ADCY9: variants seen among roughly 807,000 people sequenced by gnomAD.
The protein encoded by ADCY9 is adenylate cyclase 9.
A neutral mutation model predicts 101.5 loss-of-function variants in ADCY9; 50 were observed. The ratio of observed to expected loss-of-function variants is 0.49; its 90% CI spans 0.39 to 0.62. ADCY9 has a LOEUF of 0.62. Among genes scored for constraint, ADCY9 ranks in the 20% least tolerant of loss-of-function variants. The pLI, the probability that ADCY9 is intolerant of heterozygous loss-of-function variation, is 0.00. For missense variants in ADCY9, 1,662 were observed against 1,800.4 expected (o/e 0.92, Z 1.39); for synonymous variants, 905 against 769.3 (o/e 1.18, Z -2.92).
chr16:3,957,559 AG>A (rs1165455249), intron 5 of ADCY9, among the ~76,000 whole-genome samples: 4 of 152,164 alleles, frequency 2.6e-5, no homozygotes, highest in Non-Finnish European at 5.9e-5. Context: ...GGCTTGAGGA[AG>A]GCAGGTGTGT....
intron 2 of ADCY9, among the ~76,000 whole-genome samples, chr16:4,064,757 G>A (rs2056791133): frequency 6.6e-6 from 1 of 151,954 alleles, no homozygotes; most frequent in Non-Finnish European, 1.5e-5. Context: ...GGGATCACAG[G>A]CATGAGCCAC....
chr16:4,052,456 A>T (rs914626915), intron 2 of ADCY9, among the ~76,000 whole-genome samples: 2 of 152,172 alleles, frequency 1.3e-5, no homozygotes, highest in African/African-American at 4.8e-5. Context: ...GAAAAAAGGG[A>T]TGTGTGTATG....
chr16:4,082,051 C>T (rs1487073245), intron 2 of ADCY9, among the ~76,000 whole-genome samples: 2 of 152,030 alleles, frequency 1.3e-5, no homozygotes, highest in Admixed American at 1.3e-4. Flanking sequence ...CAAGTTTCTC[C>T]TAGAACAAGC....
chr16:4,042,320 C>G (rs1344339192), intron 2 of ADCY9, among the ~76,000 whole-genome samples: 2 of 152,108 alleles, frequency 1.3e-5, no homozygotes, highest in South Asian at 2.1e-4. Flanking sequence ...TCCCGCTTGG[C>G]CTCTCAAAGT....
chr16:4,112,494 T>C (rs2057120094), intron 2 of ADCY9, among the ~76,000 whole-genome samples: 1 of 152,120 alleles, frequency 6.6e-6, no homozygotes, highest in Non-Finnish European at 1.5e-5. Flanking sequence ...ACACATAGGA[T>C]GATCTCACAC....
chr16:4,004,043 C>T (rs991770083), intron 3 of ADCY9, among the ~76,000 whole-genome samples: 1 of 151,446 alleles, frequency 6.6e-6, no homozygotes, highest in Non-Finnish European at 1.5e-5. Context: ...GATGGTATAA[C>T]CCCAGGAGTT....
chr16:4,105,308 C>T (rs1043222447), intron 2 of ADCY9, among the ~76,000 whole-genome samples: 1 of 152,004 alleles, frequency 6.6e-6, no homozygotes, highest in East Asian at 1.9e-4. Context: ...CTGTAAATAT[C>T]AATAGACAAC....
intron 2 of ADCY9, among the ~76,000 whole-genome samples, chr16:4,051,002 T>A (rs1236594283): frequency 6.6e-6 from 1 of 150,664 alleles, no homozygotes; most frequent in Non-Finnish European, 1.5e-5. Context: ...CACCTGAGGT[T>A]ACAAGTTGGA....
At chr16:4,091,276 G>A (rs2601824) in intron 2 of ADCY9, among the ~76,000 whole-genome samples, 46,581 of 151,926 alleles carry the variant, frequency 0.31, 7,929 homozygotes, top group East Asian at 0.49. Flanking sequence ...GTTTCACCCT[G>A]TTGGCCAGGC....
At chr16:4,015,021 G>A (rs2056429048) in intron 2 of ADCY9, among the ~76,000 whole-genome samples, 1 of 134,080 alleles carries the variant, frequency 7.5e-6, no homozygotes, top group Non-Finnish European at 1.5e-5. Flanking sequence ...CTCACTGCAA[G>A]CTCTGCCTCC....
In ADCY9 at chr16:4,097,487, T is replaced by TATATACACACAC. The variant is rs76750792; in HGVS notation, c.1693+16262_1693+16263insGTGTGTGTATAT. 4.8e-3 allele frequency among the ~76,000 whole-genome samples: 347 copies of TATATACACACAC among 72,396 alleles called. 3 individuals carry two copies. Among genetic ancestry groups the TATATACACACAC allele is most frequent in the South Asian group, 7.0e-3 (15 of 2,134 alleles). 47.5% of individuals were successfully genotyped at this position (72,396 alleles called of 152,430 possible). A position where few individuals can be genotyped will look rare whatever the true frequency, so the allele number is the denominator to read the frequency against. ...ATATATATATATATATATATATATA[T>TATATACACACAC]ACACACACACACACTATATATATGT... On this transcript the variant is annotated intron_variant, in intron 2 of 10. Coordinates refer to ENST00000294016, the MANE Select transcript of ADCY9 (RefSeq NM_001116.4).
intron 8 of ADCY9, among the ~76,000 whole-genome samples, chr16:3,977,913 C>T (rs980919703): frequency 1.3e-5 from 2 of 152,136 alleles, no homozygotes; most frequent in Admixed American, 6.5e-5. Context: ...GACTGGGTTT[C>T]ACCATGTTGG....
At chr16:3,976,911 G>A (rs1014819103) in intron 9 of ADCY9, among the ~76,000 whole-genome samples, 21 of 152,204 alleles carry the variant, frequency 1.4e-4, no homozygotes, top group Admixed American at 1.0e-3. Context: ...GCCTGCCTTG[G>A]CCTCCCAAAG....
At chr16:4,091,127 G>A (rs781606350) in intron 2 of ADCY9, among the ~76,000 whole-genome samples, 20 of 152,036 alleles carry the variant, frequency 1.3e-4, no homozygotes, top group Non-Finnish European at 2.4e-4. Context: ...AGGCTGGAGC[G>A]CAGTGGCATG....
intron 2 of ADCY9, among the ~76,000 whole-genome samples, chr16:4,011,128 C>T (rs556131736): frequency 6.6e-6 from 1 of 152,258 alleles, no homozygotes; most frequent in Non-Finnish European, 1.5e-5. Flanking sequence ...GGGGCGAGGT[C>T]AGCCCGGCAA....
intron 2 of ADCY9, among the ~76,000 whole-genome samples, chr16:4,071,689 T>C (rs981202288): frequency 1.3e-5 from 2 of 152,190 alleles, no homozygotes; most frequent in African/African-American, 4.8e-5. Flanking sequence ...TCCTGAACCA[T>C]TTCCTGGCTG....
At chr16:4,029,495 T>G (rs1437440970) in intron 2 of ADCY9, among the ~76,000 whole-genome samples, 1 of 152,100 alleles carries the variant, frequency 6.6e-6, no homozygotes, top group Non-Finnish European at 1.5e-5. Flanking sequence ...ACATGTAATC[T>G]CAGCACTTTA....
chr16:3,981,966 G>A (rs531311927), intron 7 of ADCY9: 2 of 152,290 alleles, frequency 1.3e-5, no homozygotes, highest in African/African-American at 4.8e-5. Context: ...TCTGGTTTGG[G>A]TTCTGGGGAA....
chr16:4,075,491 C>T (rs1464408761), intron 2 of ADCY9, among the ~76,000 whole-genome samples: 1 of 152,124 alleles, frequency 6.6e-6, no homozygotes, highest in East Asian at 1.9e-4. Flanking sequence ...ATTTTTTAAA[C>T]CCCAGAGGAA....
Sources: gnomAD v4.1 joint callset for allele counts (sites outside exome capture counted in the v4.1 genomes callset) on GRCh38, gnomAD v4.1.1 for gene constraint, MANE v1.5 for transcripts, NCBI Gene and HGNC (gene_info 2026-07-23, HGNC 2026-07-21) for gene names.